Variants in GSTCD observed in about 807,000 individuals in gnomAD.
The protein encoded by GSTCD is glutathione S-transferase C-terminal domain containing.
A neutral mutation model predicts 68.3 loss-of-function variants in GSTCD; 44 were observed. That is an observed-to-expected ratio of 0.64 (90% CI 0.51 to 0.83). The LOEUF is 0.83. GSTCD is among the 40% of genes least tolerant of loss of function. The probability of loss-of-function intolerance (pLI) is 0.00; values close to 1 mark genes in which losing one functional copy is unlikely to be tolerated. For missense variants in GSTCD, 739 were observed against 735.9 expected, an observed-to-expected ratio of 1.00 and a Z score of -0.05; for synonymous variants, 273 against 255.2, an observed-to-expected ratio of 1.07 and a Z score of -0.67.
intron 5 of GSTCD, among the ~76,000 whole-genome samples, chr4:105,818,578 T>A (rs1033750711): frequency 1.3e-5 from 2 of 151,770 alleles, no homozygotes; most frequent in Non-Finnish European, 3.0e-5. Context: ...ATTTTTTTCT[T>A]AAGGCAGAGA....
At chr4:105,842,521 T>C (rs10000340) in intron 11 of GSTCD, among the ~76,000 whole-genome samples, 87 of 152,330 alleles carry the variant, frequency 5.7e-4, no homozygotes, top group African/African-American at 2.0e-3. Flanking sequence ...ATGATAATGT[T>C]TTCTTTCTCA....
intron 5 of GSTCD, among the ~76,000 whole-genome samples, chr4:105,794,831 C>CTATT (rs1735811387): frequency 6.1e-5 from 6 of 99,094 alleles, no homozygotes; most frequent in South Asian, 2.5e-4. Flanking sequence ...TTTTATCTAT[C>CTATT]TATCTATTTA....
chr4:105,759,238 C>T (rs1734310011), intron 5 of GSTCD, among the ~76,000 whole-genome samples: 1 of 152,090 alleles, frequency 6.6e-6, no homozygotes, highest in Non-Finnish European at 1.5e-5. Context: ...TCAGAAATCT[C>T]AGAATTTGTT....
chr4:105,772,892 C>T (rs1734909924), intron 5 of GSTCD, among the ~76,000 whole-genome samples: 1 of 152,150 alleles, frequency 6.6e-6, no homozygotes, highest in South Asian at 2.1e-4. Flanking sequence ...AGGGAGGAGT[C>T]CCTCTTTTTC....
At chr4:105,796,788 A>C (rs7658055) in intron 5 of GSTCD, among the ~76,000 whole-genome samples, 31,346 of 152,140 alleles carry the variant, frequency 0.21, 6,621 homozygotes, top group African/African-American at 0.54. Flanking sequence ...AACTTTCAAA[A>C]AGCTACAGAT....
At chr4:105,712,961 C>G (rs1732582005) in intron 1 of GSTCD, among the ~76,000 whole-genome samples, 1 of 152,034 alleles carries the variant, frequency 6.6e-6, no homozygotes, top group African/African-American at 2.4e-5. Flanking sequence ...ATATTTAAAG[C>G]TATGGCACTG....
chr4:105,804,170 G>A (rs575911247), intron 5 of GSTCD, among the ~76,000 whole-genome samples: 138 of 151,970 alleles, frequency 9.1e-4, no homozygotes, highest in Non-Finnish European at 1.3e-3. Context: ...ATGTCAGATT[G>A]GTGATTCATT....
At chr4:105,744,296 A>G (rs1472606858) in intron 5 of GSTCD, among the ~76,000 whole-genome samples, 17 of 152,192 alleles carry the variant, frequency 1.1e-4, no homozygotes, top group Admixed American at 1.1e-3. Context: ...ACACAGTGCT[A>G]TTTGGTTAAG....
intron 5 of GSTCD, among the ~76,000 whole-genome samples, chr4:105,759,733 T>A (rs932208953): frequency 1.3e-5 from 2 of 152,230 alleles, no homozygotes; most frequent in African/African-American, 4.8e-5. Context: ...GAAAATAATT[T>A]AAAATTTTTA....
chr4:105,808,048 G>A (rs1722593838), intron 5 of GSTCD, among the ~76,000 whole-genome samples: 1 of 152,044 alleles, frequency 6.6e-6, no homozygotes, highest in Non-Finnish European at 1.5e-5. Context: ...TAACAAAACT[G>A]CTGTTGTCAA....
At chr4:105,759,421 G>C (rs1734317428) in intron 5 of GSTCD, among the ~76,000 whole-genome samples, 1 of 152,126 alleles carries the variant, frequency 6.6e-6, no homozygotes, top group Admixed American at 6.6e-5. Flanking sequence ...AAGGGACTAA[G>C]AGGAGGCTGT....
intron 5 of GSTCD, among the ~76,000 whole-genome samples, chr4:105,814,125 A>G (rs931840912): frequency 2.0e-5 from 3 of 152,190 alleles, no homozygotes; most frequent in African/African-American, 7.2e-5. Flanking sequence ...GCCCTAAACC[A>G]GTATACCTAT....
intron 5 of GSTCD, among the ~76,000 whole-genome samples, chr4:105,749,401 A>AT (rs200834325): frequency 6.6e-6 from 1 of 151,634 alleles, no homozygotes; most frequent in East Asian, 1.9e-4. Context: ...GGAAAAAAAA[A>AT]TTTGAAAAAG....
chr4:105,765,263 G>T (rs1470731874), intron 5 of GSTCD, among the ~76,000 whole-genome samples: 1 of 152,136 alleles, frequency 6.6e-6, no homozygotes, highest in African/African-American at 2.4e-5. Context: ...AAAACTGCTT[G>T]CTAGGTAAAA....
intron 5 of GSTCD, among the ~76,000 whole-genome samples, chr4:105,772,206 A>G (rs1448120849): frequency 1.3e-5 from 2 of 152,216 alleles, no homozygotes; most frequent in African/African-American, 2.4e-5. Context: ...ATTTTTGCAC[A>G]CTACTTTGTA....
In GSTCD at chr4:105,842,094, C is replaced by T; in HGVS notation, c.1725C>T (p.Asp575=). The T allele has an allele frequency of 6.2e-7, 1 of 1,613,914 alleles. No individual in the cohort carries two copies. The highest frequency in any genetic ancestry group is 1.1e-5 in the South Asian group (1 of 91,082). ...ACATGATTCTGTGCAGATTTGCAGACCAGACAGCTGTCCAGCTCCCACCCC... is the reference window on the plus strand; with the variant it reads ...ACATGATTCTGTGCAGATTTGCAGATCAGACAGCTGTCCAGCTCCCACCCC... The part of the protein sequence containing the change: ...KEHMILCRFA[D]QTAVQLPPQR... Residue 575 remains aspartate, a synonymous_variant, in exon 11 of 12, where the codon GAC becomes GAT. Transcript: ENST00000515279.
chr4:105,758,981 C>A (rs1368155283), intron 5 of GSTCD, among the ~76,000 whole-genome samples: 3 of 152,100 alleles, frequency 2.0e-5, no homozygotes, highest in Admixed American at 1.3e-4. Flanking sequence ...TGAATGAATT[C>A]TTTAACAAAA....
intron 5 of GSTCD, among the ~76,000 whole-genome samples, chr4:105,755,128 G>C (rs1734141371): frequency 6.7e-6 from 1 of 149,140 alleles, no homozygotes; most frequent in Non-Finnish European, 1.5e-5. Context: ...CGCACCTGTA[G>C]TTCCTGCTAC....
rs545249036 is a variant in GSTCD at position 105,709,574 on chromosome 4, A to G, written c.-22+558A>G. On this transcript the variant is annotated intron_variant, in intron 1 of 11. Coordinates refer to ENST00000515279, the MANE Select transcript of GSTCD (RefSeq NM_001370181.1). ...TTCTATAGAAAGTTTAATTTGCATGAAAGTTGCTTTGGTTTCAAAAACGTT... is the reference window on the plus strand; with the variant it reads ...TTCTATAGAAAGTTTAATTTGCATGGAAGTTGCTTTGGTTTCAAAAACGTT... Among the ~76,000 whole-genome samples, 16 of 152,244 alleles carry G rather than the reference A, an allele frequency of 1.1e-4. No homozygotes were observed. The South Asian group carries it at 3.3e-3, about 32-fold the overall frequency.
Sources: gnomAD v4.1 joint callset for allele counts (sites outside exome capture counted in the v4.1 genomes callset) on GRCh38, gnomAD v4.1.1 for gene constraint, MANE v1.5 for transcripts, NCBI Gene and HGNC (gene_info 2026-07-23, HGNC 2026-07-21) for gene names.